FERMT1: variants seen among roughly 807,000 people sequenced by gnomAD.
FERMT1 encodes FERM domain containing kindlin 1.
Under a neutral mutation model 85.3 loss-of-function variants are expected in FERMT1, and 60 were observed. That is an observed-to-expected ratio of 0.70 (90% CI 0.57 to 0.87). The LOEUF (loss-of-function observed/expected upper bound fraction) is 0.87, where lower values mean the gene tolerates loss of function less well. Ranked by LOEUF, FERMT1 falls within the 40% of genes least tolerant of loss-of-function variation. FERMT1 has a pLI of 0.00. For missense variants in FERMT1, 701 were observed against 818.9 expected, an observed-to-expected ratio of 0.86 and a Z score of 1.76; for synonymous variants, 275 against 301.1, an observed-to-expected ratio of 0.91 and a Z score of 0.90.
At chr20:6,098,547 T>C (rs1982570238) in intron 6 of FERMT1, among the ~76,000 whole-genome samples, 1 of 151,402 alleles carries the variant, frequency 6.6e-6, no homozygotes, top group African/African-American at 2.4e-5. Flanking sequence ...AACAGACTTA[T>C]ATATGTATAT....
chr20:6,076,765 A>G lies in FERMT1; in HGVS notation c.*408T>C, dbSNP rs1600420569. ...GTTTCATACCTGAGTTTGTGAAATA[A>G]GAGTTGTTCTTGCTACACGTGATTT... is the stretch of plus-strand genomic sequence containing the variant. On this transcript the variant is annotated 3_prime_UTR_variant, in exon 15 of 15. Transcript: ENST00000217289. 6.0e-6 allele frequency: 2 copies of G among 332,444 alleles called. No homozygotes were observed. The highest frequency in any genetic ancestry group is 1.2e-5 in the Non-Finnish European group (2 of 170,488). The allele number at this position is 332,444 out of a possible 1,614,324, so 20.6% of individuals were successfully genotyped here. A position where few individuals can be genotyped will look rare whatever the true frequency, so the allele number is the denominator to read the frequency against.
At chr20:6,077,837 C>T (rs1029387934) in intron 14 of FERMT1, among the ~76,000 whole-genome samples, 1 of 152,110 alleles carries the variant, frequency 6.6e-6, no homozygotes, top group Admixed American at 6.5e-5. Context: ...TGTGCCACCA[C>T]ACCTGGCTAA....
chr20:6,109,902 C>CAAAA (rs11436082), intron 5 of FERMT1, among the ~76,000 whole-genome samples: 45 of 123,564 alleles, frequency 3.6e-4, no homozygotes, highest in Non-Finnish European at 6.5e-4. Context: ...AACTCCATCT[C>CAAAA]AAAAAAAAAA....
rs1259238018 is a variant in FERMT1 at position 6,104,277 on chromosome 20, C to A, written c.849+3255G>T. Among the ~76,000 whole-genome samples, 1 of 152,158 alleles carries A rather than the reference C, an allele frequency of 6.6e-6. No individual in the cohort carries two copies. Among genetic ancestry groups the A allele is most frequent in the Admixed American group, 6.5e-5 (1 of 15,270 alleles). On this transcript the variant is annotated intron_variant, in intron 6 of 14. Transcript: ENST00000217289. This position sits in a 1 kb window ranked among gnomAD's most constrained non-coding sequence, Gnocchi z 4.2. Reference sequence around the variant, plus strand: ...GGCCAGTATGAATCTCTCTGAAAGCCAGAGAAGCTCTCTAGTCCTCACTGT... The same window carrying A: ...GGCCAGTATGAATCTCTCTGAAAGCAAGAGAAGCTCTCTAGTCCTCACTGT...
intron 6 of FERMT1, among the ~76,000 whole-genome samples, chr20:6,099,501 AC>A (rs1982598934): frequency 6.6e-6 from 1 of 152,228 alleles, no homozygotes; most frequent in Admixed American, 6.5e-5. Context: ...ATACAAAAAA[AC>A]AAATACTGGA....
At chr20:6,087,560 C>T in intron 11 of FERMT1, 6 of 533,874 alleles carry the variant, frequency 1.1e-5, no homozygotes, top group South Asian at 8.4e-5. Flanking sequence ...ATCTGCCCAC[C>T]TTGGCCTCCC....
At position 6,116,315 on chromosome 20, in the gene FERMT1, G is replaced by A. The variant is rs1422408953; in HGVS notation, c.152-271C>T. The stretch of plus-strand genomic sequence containing the variant: ...GCAAACCATCATGGTACATGTATAC[G>A]TATATAACACACCTGCATGTTCTGC... On this transcript the variant is annotated intron_variant, in intron 2 of 14. Transcript: ENST00000217289. Among the ~76,000 whole-genome samples, 9 of 151,716 alleles carry A rather than the reference G, an allele frequency of 5.9e-5. No individual in the cohort carries two copies. The South Asian group carries it at 1.0e-3, about 17-fold the overall frequency.
chr20:6,092,887 T>C (rs1265813766), intron 9 of FERMT1, among the ~76,000 whole-genome samples: 2 of 152,124 alleles, frequency 1.3e-5, no homozygotes, highest in South Asian at 2.1e-4. Flanking sequence ...TAGAACTAGA[T>C]TCCTGCCTCA....
chr20:6,082,810 C>G (rs1016364801), intron 13 of FERMT1, among the ~76,000 whole-genome samples: 1 of 152,154 alleles, frequency 6.6e-6, no homozygotes, highest in Non-Finnish European at 1.5e-5. Context: ...TGCACACCAC[C>G]ACGCCCAGCT....
In FERMT1 at chr20:6,110,373, G is replaced by T. The variant is rs752983617; in HGVS notation, c.671C>A (p.Pro224His). 1.9e-6 allele frequency: 3 copies of T among 1,613,970 alleles called. No homozygotes were observed. Among genetic ancestry groups the T allele is most frequent in the South Asian group, 2.2e-5 (2 of 91,062 alleles). The change falls in exon 5 of 15, where the codon CCC becomes CAC. Residue 224 changes from proline (P) to histidine (H), a missense_variant. By Grantham distance (77) the Pro-to-His change is moderately conservative. Coordinates refer to ENST00000217289, the MANE Select transcript of FERMT1 (RefSeq NM_017671.5). Reference sequence around the variant, plus strand: ...CGCAAGTGCTTCTGGGGACTGGGGGGGTTGGCTGAATGCGAGGATGCTGCA... The same window carrying T: ...CGCAAGTGCTTCTGGGGACTGGGGGTGTTGGCTGAATGCGAGGATGCTGCA... ...QNCSILAFSQ[P>H]PQSPEALADM...
intron 11 of FERMT1, among the ~76,000 whole-genome samples, chr20:6,086,205 C>T (rs1023415350): frequency 5.3e-5 from 8 of 151,464 alleles, no homozygotes; most frequent in Admixed American, 1.3e-4. Flanking sequence ...GTGGTGAAAC[C>T]GCAAACTGTC....
chr20:6,077,116 T>C lies in FERMT1; in HGVS notation c.*57A>G. 1 of 1,575,920 alleles carries C rather than the reference T, an allele frequency of 6.3e-7. No homozygotes were observed. The highest frequency in any genetic ancestry group is 8.7e-7 in the Non-Finnish European group (1 of 1,146,802). ...ATGCTGGGCACGTTAGGGATCCCTC[T>C]GGGGAGGGGCGCCTTTGGCTTGCCT... On this transcript the variant is annotated 3_prime_UTR_variant, in exon 15 of 15. Coordinates refer to ENST00000217289, the MANE Select transcript of FERMT1 (RefSeq NM_017671.5).
rs3060080 is a variant in FERMT1 at position 6,091,937 on chromosome 20, A to ATT, written c.1140-2850_1140-2849dup. On this transcript the variant is annotated intron_variant, in intron 9 of 14. Transcript: ENST00000217289. ...ACAGGCTCTCCAGGCTCTCGTTAGA[A>ATT]TTTTTTTTTTTTTTTTTGAGACAGG... Among the ~76,000 whole-genome samples, 213 of 142,450 alleles carry ATT rather than the reference A, an allele frequency of 1.5e-3. 3 individuals are homozygous for ATT. Among genetic ancestry groups the ATT allele is most frequent in the Admixed American group, 6.6e-3 (94 of 14,250 alleles). The allele number at this position is 142,450 out of a possible 152,430, so 93.5% of individuals were successfully genotyped here.
chr20:6,079,441 G>A lies in FERMT1; in HGVS notation c.1855C>T (p.Arg619Trp), dbSNP rs761462514. 38 of 1,614,010 alleles carry A rather than the reference G, an allele frequency of 2.4e-5. No individual in the cohort carries two copies. The highest frequency in any genetic ancestry group is 5.3e-5 in the African/African-American group (4 of 74,978). The part of the protein sequence containing the change: ...IKQWNVNWET[R>W]QVVIEFDQNV... ...AGCAAAAACTTTCACTTTACCTGCCGGGTTTCCCAGTTTACATTCCACTGT... is the reference window on the plus strand; with the variant it reads ...AGCAAAAACTTTCACTTTACCTGCCAGGTTTCCCAGTTTACATTCCACTGT... Residue 619 changes from arginine (R) to tryptophan (W), a missense_variant, in exon 14 of 15, where the codon CGG (arginine) becomes TGG (tryptophan). By Grantham distance (101) the Arg-to-Trp change is moderately radical. Transcript: ENST00000217289.
At chr20:6,095,642 T>C (rs1373097370) in intron 8 of FERMT1, among the ~76,000 whole-genome samples, 1 of 152,196 alleles carries the variant, frequency 6.6e-6, no homozygotes, top group Non-Finnish European at 1.5e-5. Context: ...TAACTTTTTA[T>C]TTATTCTAAA....
At chr20:6,122,084 T>C (rs1381823675) in intron 1 of FERMT1, among the ~76,000 whole-genome samples, 2 of 152,242 alleles carry the variant, frequency 1.3e-5, no homozygotes, top group Non-Finnish European at 2.9e-5. Flanking sequence ...CACTGGGCAA[T>C]CTGATATAAG....
intron 11 of FERMT1, among the ~76,000 whole-genome samples, chr20:6,085,966 C>A (rs1177597000): frequency 1.3e-5 from 2 of 151,808 alleles, no homozygotes; most frequent in African/African-American, 4.8e-5. Context: ...TGGTGAAACC[C>A]CATCTGTACT....
rs113808822 is a variant in FERMT1 at position 6,101,936 on chromosome 20, G to A, written c.850-4305C>T. 8.6e-3 allele frequency among the ~76,000 whole-genome samples: 1,303 copies of A among 152,062 alleles called. 16 individuals are homozygous for A. The highest frequency in any genetic ancestry group is 0.028 in the African/African-American group (1,158 of 41,490). On this transcript the variant is annotated intron_variant, in intron 6 of 14. Coordinates refer to ENST00000217289, the MANE Select transcript of FERMT1 (RefSeq NM_017671.5). ...CTCCCAAAGTGCTGGGATTACAGGC[G>A]TGAGCCACTGTGCCCGCCCTATGTT... is the stretch of plus-strand genomic sequence containing the variant.
chr20:6,104,850 T>C lies in FERMT1; in HGVS notation c.849+2682A>G, dbSNP rs535131705. Among the ~76,000 whole-genome samples, 1 of 152,376 alleles carries C rather than the reference T, an allele frequency of 6.6e-6. No homozygotes were observed. The highest frequency in any genetic ancestry group is 6.5e-5 in the Admixed American group (1 of 15,308). On this transcript the variant is annotated intron_variant, in intron 6 of 14. Transcript: ENST00000217289. The surrounding 1 kb of genome is among the most constrained non-coding windows in gnomAD (Gnocchi z 4.2). ...TACCAATGATCTGCCATTATCTGGC[T>C]TATTTGACTGTGAAGTCACTTACAT...
Sources: gnomAD v4.1 joint callset for allele counts (sites outside exome capture counted in the v4.1 genomes callset) on GRCh38, gnomAD v4.1.1 for gene constraint, Gnocchi (gnomAD v3.1) non-coding constraint, MANE v1.5 for transcripts, NCBI Gene and HGNC (gene_info 2026-07-23, HGNC 2026-07-21) for gene names.